NRG2: variants seen among roughly 807,000 people sequenced by gnomAD.
The protein encoded by NRG2 is neuregulin 2.
Under a neutral mutation model 73.9 loss-of-function variants are expected in NRG2, and 27 were observed. That is an observed-to-expected ratio of 0.37 (90% CI 0.27 to 0.50). The LOEUF is 0.50. NRG2 is among the 20% of genes least tolerant of loss of function. The pLI is 0.96. For missense variants in NRG2, 1,126 were observed against 1,210.1 expected (o/e 0.93, Z 1.03); for synonymous variants, 532 against 541.0 (o/e 0.98, Z 0.23).
chr5:139,974,897 C>G (rs1319983650), intron 1 of NRG2, among the ~76,000 whole-genome samples: 1 of 152,208 alleles, frequency 6.6e-6, no homozygotes, highest in Non-Finnish European at 1.5e-5. Context: ...GGGACAGGCC[C>G]ACAGAATGGC....
chr5:139,888,195 C>T (rs1467440826), intron 1 of NRG2, among the ~76,000 whole-genome samples: 1 of 152,156 alleles, frequency 6.6e-6, no homozygotes, highest in Non-Finnish European at 1.5e-5. Flanking sequence ...AGTGCTCGTG[C>T]TGAGGTGTAT....
intron 5 of NRG2, among the ~76,000 whole-genome samples, chr5:139,863,368 C>T (rs373604047): frequency 6.6e-6 from 1 of 152,228 alleles, no homozygotes; most frequent in African/African-American, 2.4e-5. Flanking sequence ...AAATCCTTTA[C>T]GAAAAGGTAA....
chr5:139,874,571 A>G (rs557427743), intron 3 of NRG2, among the ~76,000 whole-genome samples: 1 of 152,192 alleles, frequency 6.6e-6, no homozygotes, highest in African/African-American at 2.4e-5. Flanking sequence ...TCTTTCTTTG[A>G]TGGCCACAAT....
rs1581755012 is a variant in NRG2, at chr5:139,848,477, CGGGCCCGGGCCCGGGTCCG to C, written c.1974_1992del (p.Gly661AlafsTer99). 7.5e-7 allele frequency: 1 copy of C among 1,335,428 alleles called. No individual in the cohort carries two copies. Among genetic ancestry groups the C allele is most frequent in the Non-Finnish European group, 9.5e-7 (1 of 1,058,114 alleles). 82.7% of individuals were successfully genotyped at this position (1,335,428 alleles called of 1,614,324 possible). The stretch of plus-strand genomic sequence containing the variant: ...CTGCGCTGCATGTCTGCGCCGGGCC[CGGGCCCGGGCCCGGGTCCG>C]GGTCCCGGGCCGGGGGGCGCCGGGT... On this transcript the variant is annotated frameshift_variant, in exon 10 of 10. Transcript: ENST00000361474. LOFTEE classifies it high-confidence loss of function.
intron 1 of NRG2, among the ~76,000 whole-genome samples, chr5:139,901,614 T>C (rs1764896161): frequency 6.6e-6 from 1 of 152,194 alleles, no homozygotes; most frequent in African/African-American, 2.4e-5. Flanking sequence ...TGCAAAGATT[T>C]ATCTGTGTCC....
At chr5:139,933,936 C>G (rs1007490314) in intron 1 of NRG2, among the ~76,000 whole-genome samples, 1 of 152,156 alleles carries the variant, frequency 6.6e-6, no homozygotes, top group Non-Finnish European at 1.5e-5. Context: ...TGGTGGCTCA[C>G]GCCTGTAATC....
Position 140,042,660 on chromosome 5 carries a change from C to A in NRG2, c.410G>T (p.Gly137Val). 6.3e-7 allele frequency: 1 copy of A among 1,596,302 alleles called. No homozygotes were observed. The change falls in exon 1 of 10, where the codon GGG (glycine) becomes GTG (valine). Residue 137 changes from glycine to valine, a missense_variant. Physicochemically the swap from Gly to Val is moderately radical, Grantham distance 109. Transcript: ENST00000361474. Reference sequence around the variant, plus strand: ...GCTGGAGCCGCCGGCTGGGACCAGCCCCTGTACCTTGCCCTCCACCACCAC... The same window carrying A: ...GCTGGAGCCGCCGGCTGGGACCAGCACCTGTACCTTGCCCTCCACCACCAC... The part of the protein sequence containing the change: ...APVVVEGKVQ[G>V]LVPAGGSSSN...
intron 1 of NRG2, among the ~76,000 whole-genome samples, chr5:139,969,387 G>A (rs1208586641): frequency 6.6e-6 from 1 of 152,176 alleles, no homozygotes; most frequent in Non-Finnish European, 1.5e-5. Context: ...AAGGCTAACA[G>A]GTAAAAGTCA....
At chr5:139,880,194 C>T (rs987087734) in intron 3 of NRG2, among the ~76,000 whole-genome samples, 4 of 151,982 alleles carry the variant, frequency 2.6e-5, no homozygotes, top group Admixed American at 6.5e-5. Context: ...GTAGTTTTGG[C>T]GGAGAGGCAA....
intron 1 of NRG2, among the ~76,000 whole-genome samples, chr5:139,933,923 GT>G (rs1752657837): frequency 6.6e-6 from 1 of 152,220 alleles, no homozygotes; most frequent in Non-Finnish European, 1.5e-5. Context: ...GAGAGACTGG[GT>G]GTGGTGGCTC....
At chr5:139,973,637 C>T (rs1273136109) in intron 1 of NRG2, among the ~76,000 whole-genome samples, 1 of 152,248 alleles carries the variant, frequency 6.6e-6, no homozygotes, top group African/African-American at 2.4e-5. Flanking sequence ...GCTAGGATTA[C>T]AGGTGTGAGC....
At chr5:139,971,631 A>G (rs1755978794) in intron 1 of NRG2, among the ~76,000 whole-genome samples, 1 of 152,256 alleles carries the variant, frequency 6.6e-6, no homozygotes, top group Non-Finnish European at 1.5e-5. Context: ...TGCATGAGCA[A>G]TATGCAATTA....
At position 139,869,763 on chromosome 5, in the gene NRG2, C is replaced by T. The variant is rs1476302403; in HGVS notation, c.1112+1958G>A. On this transcript the variant is annotated intron_variant, in intron 4 of 9. Coordinates refer to ENST00000361474, the MANE Select transcript of NRG2 (RefSeq NM_004883.3). This position sits in a 1 kb window ranked among gnomAD's most constrained non-coding sequence, Gnocchi z 4.5. ...GGCACCATCTTCACAATGGCTCAGGCTCCTGCCTCTGCTCCTCTCAGATTT... is the reference window on the plus strand; with the variant it reads ...GGCACCATCTTCACAATGGCTCAGGTTCCTGCCTCTGCTCCTCTCAGATTT... 6.6e-6 allele frequency: 1 copy of T among 152,328 alleles called. No homozygotes were observed. Among genetic ancestry groups the T allele is most frequent in the Non-Finnish European group, 1.5e-5 (1 of 68,118 alleles). 9.4% of individuals were successfully genotyped at this position (152,328 alleles called of 1,614,324 possible).
intron 1 of NRG2, among the ~76,000 whole-genome samples, chr5:139,955,560 G>T (rs887042990): frequency 6.6e-6 from 1 of 152,172 alleles, no homozygotes; most frequent in Admixed American, 6.5e-5. Context: ...GGGCTGTGGT[G>T]CTCACTCTGC....
At chr5:139,944,406 C>G (rs1162320053) in intron 1 of NRG2, among the ~76,000 whole-genome samples, 1 of 152,148 alleles carries the variant, frequency 6.6e-6, no homozygotes, top group Non-Finnish European at 1.5e-5. Flanking sequence ...TCTATCCTTC[C>G]TTCCCTATAC....
At chr5:140,022,801 T>C (rs1411318722) in intron 1 of NRG2, among the ~76,000 whole-genome samples, 1 of 152,272 alleles carries the variant, frequency 6.6e-6, no homozygotes, top group African/African-American at 2.4e-5. Flanking sequence ...AAGTATTTGT[T>C]AAGTAAATAA....
At chr5:139,867,724 A>G (rs1443287213) in intron 4 of NRG2, among the ~76,000 whole-genome samples, 1 of 149,002 alleles carries the variant, frequency 6.7e-6, no homozygotes, top group Admixed American at 6.7e-5. Context: ...TCTGTGTCCA[A>G]TGTCTGAGAT....
rs185087357 is a variant in NRG2 at position 139,890,324 on chromosome 5, C to T, written c.701-2813G>A. 9.8e-4 allele frequency among the ~76,000 whole-genome samples: 149 copies of T among 152,282 alleles called. 1 individual carries two copies. Among genetic ancestry groups the T allele is most frequent in the Non-Finnish European group, 2.8e-4 (19 of 68,030 alleles). On this transcript the variant is annotated intron_variant, in intron 1 of 9. Transcript: ENST00000361474. ...ATGCAGTCTGTTTTCCTATCGAGTG[C>T]TCATCCTAGTGATTTGTAAGAACTT...
At chr5:139,873,546 G>A (rs1316618963) in intron 3 of NRG2, among the ~76,000 whole-genome samples, 2 of 152,212 alleles carry the variant, frequency 1.3e-5, no homozygotes, top group African/African-American at 4.8e-5. Flanking sequence ...AGAGCCTCAG[G>A]GCTCCTAGCC....
Sources: allele counts gnomAD v4.1 joint callset (sites outside exome capture counted in the v4.1 genomes callset), GRCh38; gene constraint gnomAD v4.1.1; non-coding constraint Gnocchi (gnomAD v3.1); transcripts MANE v1.5; gene names NCBI Gene and HGNC (gene_info 2026-07-23, HGNC 2026-07-21).